DENND1B: variants seen among roughly 807,000 people sequenced by gnomAD.
The protein encoded by DENND1B is DENN domain-containing protein 1B.
DENND1B carries 59 observed loss-of-function variants against 90.1 expected under a neutral mutation model. The observed-to-expected ratio is 0.65, with a 90% confidence interval of 0.53 to 0.81. The LOEUF (loss-of-function observed/expected upper bound fraction) is 0.81. DENND1B is among the 40% of genes least tolerant of loss of function. The pLI is 0.00. For synonymous variants in DENND1B, 337 were observed against 324.6 expected (o/e 1.04, Z -0.41); for missense variants, 862 against 912.6 (o/e 0.94, Z 0.71).
At chr1:197,529,381 TGG>T (rs1275297462) in intron 20 of DENND1B, among the ~76,000 whole-genome samples, 1 of 150,398 alleles carries the variant, frequency 6.6e-6, no homozygotes, top group African/African-American at 2.5e-5. Flanking sequence ...TGTGGGTGGG[TGG>T]GTGTGTGTGT....
chr1:197,734,139 T>C (rs1206368947), intron 2 of DENND1B: 4 of 927,432 alleles, frequency 4.3e-6, no homozygotes, highest in Non-Finnish European at 5.1e-6. Context: ...TATCTTTTCA[T>C]ATTCCTGAAT....
At chr1:197,639,307 G>T (rs970467876) in intron 10 of DENND1B, among the ~76,000 whole-genome samples, 6 of 151,956 alleles carry the variant, frequency 3.9e-5, no homozygotes, top group Non-Finnish European at 8.8e-5. Flanking sequence ...CAGGTGATCT[G>T]CTCACCTCGG....
chr1:197,745,957 T>C (rs1330323857), intron 2 of DENND1B, among the ~76,000 whole-genome samples: 1 of 152,144 alleles, frequency 6.6e-6, no homozygotes, highest in East Asian at 1.9e-4. Flanking sequence ...AATTAGTAAC[T>C]CCTTTTATAA....
At chr1:197,706,167 A>T (rs757560437) in intron 3 of DENND1B, among the ~76,000 whole-genome samples, 5 of 152,184 alleles carry the variant, frequency 3.3e-5, no homozygotes, top group Non-Finnish European at 5.9e-5. Context: ...ATTATAGCTA[A>T]GTTTGTGTAT....
intron 2 of DENND1B, among the ~76,000 whole-genome samples, chr1:197,725,241 T>C (rs767987804): frequency 2.6e-5 from 4 of 152,076 alleles, no homozygotes; most frequent in Admixed American, 6.5e-5. Flanking sequence ...AGTAGAAAAC[T>C]ACATACATTA....
chr1:197,685,035 T>C (rs1418729049), intron 3 of DENND1B, among the ~76,000 whole-genome samples: 1 of 152,056 alleles, frequency 6.6e-6, no homozygotes, highest in African/African-American at 2.4e-5. Context: ...GGAGAATCGC[T>C]TGAACCCAGG....
chr1:197,692,431 A>G (rs183547990), intron 3 of DENND1B, among the ~76,000 whole-genome samples: 1 of 151,870 alleles, frequency 6.6e-6, no homozygotes, highest in Non-Finnish European at 1.5e-5. Flanking sequence ...CTACCTTTGT[A>G]GCCTCAGTAT....
chr1:197,594,060 G>T (rs1440570542), intron 14 of DENND1B, among the ~76,000 whole-genome samples: 1 of 152,094 alleles, frequency 6.6e-6, no homozygotes, highest in Non-Finnish European at 1.5e-5. Flanking sequence ...TGTGAGATAT[G>T]TATACTCTGT....
chr1:197,626,458 A>C (rs1678736519), intron 10 of DENND1B, among the ~76,000 whole-genome samples: 2 of 152,186 alleles, frequency 1.3e-5, no homozygotes, highest in African/African-American at 4.8e-5. Context: ...GGCAGAAATA[A>C]AGATGTTCTT....
intron 10 of DENND1B, among the ~76,000 whole-genome samples, chr1:197,625,406 G>C (rs1209862785): frequency 2.0e-5 from 3 of 152,042 alleles, no homozygotes; most frequent in Admixed American, 2.0e-4. Context: ...TTCATATCCA[G>C]CCAAACTAAG....
At chr1:197,687,308 G>A (rs1008552793) in intron 3 of DENND1B, among the ~76,000 whole-genome samples, 7 of 152,122 alleles carry the variant, frequency 4.6e-5, no homozygotes, top group Admixed American at 2.6e-4. Flanking sequence ...AGAGTAAAGT[G>A]CTTGGGGCAG....
chr1:197,625,105 C>G (rs1352965571), intron 10 of DENND1B, among the ~76,000 whole-genome samples: 11 of 151,244 alleles, frequency 7.3e-5, no homozygotes. Flanking sequence ...AGGATATTAT[C>G]CAGAATTTCC....
chr1:197,707,752 G>C (rs957471488), intron 3 of DENND1B, among the ~76,000 whole-genome samples: 1 of 148,462 alleles, frequency 6.7e-6, no homozygotes, highest in African/African-American at 2.5e-5. Context: ...GAACAGCTCC[G>C]GTCTACAGCT....
intron 15 of DENND1B, among the ~76,000 whole-genome samples, chr1:197,581,598 T>C (rs1406593894): frequency 6.6e-6 from 1 of 152,134 alleles, no homozygotes; most frequent in East Asian, 1.9e-4. Context: ...AAAAGAAATA[T>C]GTACTCATGT....
At chr1:197,771,751 A>T (rs1231293531) in intron 2 of DENND1B, among the ~76,000 whole-genome samples, 1 of 152,226 alleles carries the variant, frequency 6.6e-6, no homozygotes, top group Non-Finnish European at 1.5e-5. Flanking sequence ...ATCAGTCTCC[A>T]CGAAACCCCT....
chr1:197,549,793 A>G (rs1671080777), intron 16 of DENND1B, among the ~76,000 whole-genome samples: 1 of 152,154 alleles, frequency 6.6e-6, no homozygotes, highest in African/African-American at 2.4e-5. Flanking sequence ...TGAAGGAATA[A>G]GGTATGACGT....
chr1:197,764,204 C>A (rs542671385), intron 2 of DENND1B, among the ~76,000 whole-genome samples: 1 of 152,272 alleles, frequency 6.6e-6, no homozygotes, highest in South Asian at 2.1e-4. Flanking sequence ...AGTCTGTGTG[C>A]TTTGGGCAAG....
chr1:197,539,252 C>T (rs544904989), intron 20 of DENND1B, among the ~76,000 whole-genome samples: 1 of 152,266 alleles, frequency 6.6e-6, no homozygotes, highest in African/African-American at 2.4e-5. Flanking sequence ...CATCTGCAAA[C>T]CTTGGCAACT....
intron 14 of DENND1B, among the ~76,000 whole-genome samples, chr1:197,587,984 A>G (rs1463469522): frequency 6.6e-6 from 1 of 152,052 alleles, no homozygotes; most frequent in Non-Finnish European, 1.5e-5. Context: ...TTTTGCTCCT[A>G]TGAGACAGGA....
Sources: gnomAD v4.1 joint callset for allele counts (sites outside exome capture counted in the v4.1 genomes callset) on GRCh38, gnomAD v4.1.1 for gene constraint, MANE v1.5 for transcripts, NCBI Gene and HGNC (gene_info 2026-07-23, HGNC 2026-07-21) for gene names.